Variants in GPRC5B observed in about 807,000 individuals in gnomAD.
The protein encoded by GPRC5B is G protein-coupled receptor class C group 5 member B, also known as G protein-coupled receptor family C group 5 member B.
GPRC5B carries 16 observed loss-of-function variants against 30.1 expected under a neutral mutation model. The ratio of observed to expected loss-of-function variants is 0.53; its 90% CI spans 0.36 to 0.81. The LOEUF is 0.81. Ranked by LOEUF, GPRC5B falls within the 30% of genes least tolerant of loss-of-function variation. GPRC5B has a pLI of 0.01. For missense variants in GPRC5B, 428 were observed against 544.7 expected (o/e 0.79, Z 2.13); for synonymous variants, 241 against 239.5 (o/e 1.01, Z -0.06).
chr16:19,868,053 T>A (rs2056680946), intron 2 of GPRC5B, among the ~76,000 whole-genome samples: 1 of 148,134 alleles, frequency 6.8e-6, no homozygotes. Flanking sequence ...GGTGACAGAG[T>A]GAGACTCCAT....
chr16:19,884,090 C>CCT (rs2056831138), intron 1 of GPRC5B, among the ~76,000 whole-genome samples: 1 of 140,778 alleles, frequency 7.1e-6, no homozygotes, highest in Non-Finnish European at 1.6e-5. Context: ...ACTGCCCCCC[C>CCT]CGCCATTGTA....
At position 19,872,690 on chromosome 16, in the gene GPRC5B, G is replaced by A. The variant is rs769866613; in HGVS notation, c.156C>T (p.Asp52=). 32 of 1,613,994 alleles carry A rather than the reference G, an allele frequency of 2.0e-5. No individual in the cohort carries two copies. Among genetic ancestry groups the A allele is most frequent in the Non-Finnish European group, 2.5e-5 (30 of 1,180,046 alleles). ...LPQYVSLCDL[D]AIWGIVVEAV... ...CCTCCACCACAATGCCCCAGATGGC[G>A]TCCAGGTCGCACAGGGACACGTACT... is the stretch of plus-strand genomic sequence containing the variant. Residue 52 remains aspartate, a synonymous_variant, in exon 2 of 4, where the codon GAC becomes GAT. Transcript: ENST00000300571. This position sits in a 1 kb window ranked among gnomAD's most constrained non-coding sequence, Gnocchi z 5.0.
chr16:19,873,166 T>C (rs2056736618), intron 1 of GPRC5B, among the ~76,000 whole-genome samples: 1 of 151,964 alleles, frequency 6.6e-6, no homozygotes, highest in Non-Finnish European at 1.5e-5. Flanking sequence ...ATCTGACCTC[T>C]TGAAAAATAA....
rs1258039586 is a variant in GPRC5B, at chr16:19,860,338, A to T, written c.*162T>A. ...GTCGGTGTTAGCTTTTCAGTTCGTC[A>T]GTGTTCACATTTACACGAAATCCCC... On this transcript the variant is annotated 3_prime_UTR_variant, in exon 4 of 4. Transcript: ENST00000300571. The T allele has an allele frequency of 1.7e-6, 1 of 602,086 alleles. No individual in the cohort carries two copies. 37.3% of individuals were successfully genotyped at this position (602,086 alleles called of 1,614,324 possible).
chr16:19,884,346 C>G (rs918677045), intron 1 of GPRC5B, among the ~76,000 whole-genome samples: 2 of 151,364 alleles, frequency 1.3e-5, no homozygotes, highest in Admixed American at 6.6e-5. Context: ...AGGACCAGCC[C>G]GCAGCTCCTC....
intron 1 of GPRC5B, among the ~76,000 whole-genome samples, chr16:19,878,624 CT>C (rs764620731): frequency 1.3e-5 from 2 of 152,142 alleles, no homozygotes; most frequent in Non-Finnish European, 1.5e-5. Flanking sequence ...CTCTTTTGGT[CT>C]GTTCCTCACC....
chr16:19,881,771 A>C (rs1317323431), intron 1 of GPRC5B, among the ~76,000 whole-genome samples: 1 of 152,200 alleles, frequency 6.6e-6, no homozygotes, highest in Non-Finnish European at 1.5e-5. Context: ...GACAGAGTTA[A>C]ACTGTCTCAA....
chr16:19,885,495 C>T (rs1425929369), upstream of GPRC5B: 1 of 1,134,644 alleles, frequency 8.8e-7, no homozygotes, highest in Non-Finnish European at 1.1e-6. This position sits in a 1 kb window ranked among gnomAD's most constrained non-coding sequence, Gnocchi z 5.3. Flanking sequence ...ACACTGGGAC[C>T]AACACCCGCT....
In GPRC5B at chr16:19,857,552, T is replaced by C; in HGVS notation, c.*2948A>G. On this transcript the variant is annotated 3_prime_UTR_variant, in exon 4 of 4. Transcript: ENST00000300571. ...TTATCTATCAAAAGTGAGCCTTAGC[T>C]CTTCATCAGTTAATAAAAAGCACCT... The C allele has an allele frequency of 1.9e-5, 7 of 373,624 alleles. No individual in the cohort carries two copies. The highest frequency in any genetic ancestry group is 1.4e-4 in the South Asian group (7 of 49,022). The allele number at this position is 373,624 out of a possible 1,614,324, so 23.1% of individuals were successfully genotyped here. A position where few individuals can be genotyped will look rare whatever the true frequency, so the allele number is the denominator to read the frequency against.
At chr16:19,884,886 C>T (rs1294254708), upstream of GPRC5B, 5 of 976,714 alleles carry the variant, frequency 5.1e-6, no homozygotes, top group South Asian at 1.9e-4. Context: ...CGCCCCCTGG[C>T]CCGGCCCGCG....
At chr16:19,884,087 C>G (rs913429491) in intron 1 of GPRC5B, among the ~76,000 whole-genome samples, 8 of 147,928 alleles carry the variant, frequency 5.4e-5, no homozygotes, top group African/African-American at 1.3e-4. Context: ...GCCACTGCCC[C>G]CCCCGCCATT....
At chr16:19,869,618 T>A (rs2056697041) in intron 2 of GPRC5B, among the ~76,000 whole-genome samples, 1 of 152,022 alleles carries the variant, frequency 6.6e-6, no homozygotes, top group African/African-American at 2.4e-5. Context: ...CTATGCCACA[T>A]CCCCTAGATA....
chr16:19,872,946 A>C lies in GPRC5B; in HGVS notation c.-1-100T>G. ...TCTTGAAGAAGACTCGCCTCATTTC[A>C]AACCTGCAAGCGCACACGGCACCTT... On this transcript the variant is annotated intron_variant, in intron 1 of 3. Coordinates refer to ENST00000300571, the MANE Select transcript of GPRC5B (RefSeq NM_016235.3). This position sits in a 1 kb window ranked among gnomAD's most constrained non-coding sequence, Gnocchi z 5.0. 1 of 854,584 alleles carries C rather than the reference A, an allele frequency of 1.2e-6. No individual in the cohort carries two copies. The highest frequency in any genetic ancestry group is 1.9e-6 in the Non-Finnish European group (1 of 539,080). The allele number at this position is 854,584 out of a possible 1,614,324, so 52.9% of individuals were successfully genotyped here. A position where few individuals can be genotyped will look rare whatever the true frequency, so the allele number is the denominator to read the frequency against.
chr16:19,884,333 C>T (rs913471687), intron 1 of GPRC5B, among the ~76,000 whole-genome samples: 1 of 151,480 alleles, frequency 6.6e-6, no homozygotes, highest in African/African-American at 2.4e-5. Flanking sequence ...CCAACGCGGC[C>T]CCAGGACCAG....
At position 19,860,541 on chromosome 16, in the gene GPRC5B, G is replaced by A. The variant is rs767265211; in HGVS notation, c.1171C>T (p.Pro391Ser). 6.3e-7 allele frequency: 1 copy of A among 1,594,480 alleles called. No individual in the cohort carries two copies. Residue 391 changes from proline to serine, a missense_variant, in exon 4 of 4, where the codon CCA becomes TCA. This residue lies in a region of GPRC5B where 19 missense variants were observed against 43.1 expected (regional missense o/e 0.44). Coordinates refer to ENST00000300571, the MANE Select transcript of GPRC5B (RefSeq NM_016235.3). ...MAVVLNGGTI[P>S]TAPPSHTGRH... ...CCTGTGTGACTTGGCGGAGCAGTTG[G>A]GATCTGGAATAACACATAAGGATAA... is the stretch of plus-strand genomic sequence containing the variant.
upstream of GPRC5B, chr16:19,885,389 A>G (rs958384663): frequency 8.5e-6 from 10 of 1,170,740 alleles, no homozygotes; most frequent in Non-Finnish European, 1.1e-5. This position sits in a 1 kb window ranked among gnomAD's most constrained non-coding sequence, Gnocchi z 5.3. Flanking sequence ...ACCTAGGCGC[A>G]CACACACCGC....
chr16:19,871,822 T>C lies in GPRC5B; in HGVS notation c.1024A>G (p.Asn342Asp). ...CGGGTGGTGCCCACTTTACCTGCATTGTGTTCATCCATGGAGAAGGCCTTG... is the reference window on the plus strand; with the variant it reads ...CGGGTGGTGCCCACTTTACCTGCATCGTGTTCATCCATGGAGAAGGCCTTG... ...ENKAFSMDEH[N>D]AALRTAGFPN... is the part of the protein sequence containing the mutation. Residue 342 changes from asparagine to aspartate, a missense_variant, in exon 2 of 4, where the codon AAT becomes GAT. By Grantham distance (23) the Asn-to-Asp change is conservative. Coordinates refer to ENST00000300571, the MANE Select transcript of GPRC5B (RefSeq NM_016235.3). 6.2e-7 allele frequency: 1 copy of C among 1,612,156 alleles called. No homozygotes were observed. Among genetic ancestry groups the C allele is most frequent in the Non-Finnish European group, 8.5e-7 (1 of 1,178,556 alleles).
chr16:19,872,221 C>T lies in GPRC5B; in HGVS notation c.625G>A (p.Val209Ile), dbSNP rs751511269. Residue 209 changes from valine (V) to isoleucine (I), a missense_variant, in exon 2 of 4, where the codon GTA becomes ATA. Physicochemically the swap from Val to Ile is conservative, Grantham distance 29 (BLOSUM62 3). Transcript: ENST00000300571. The surrounding 1 kb of genome is among the most constrained non-coding windows in gnomAD (Gnocchi z 5.0). ...AGCCCCAGGGTGACCACAAGCAGTA[C>T]CATGTCGTAGATGAGGGCCATCACA... ...DFVMALIYDM[V>I]LLVVTLGLAL... 1.2e-6 allele frequency: 2 copies of T among 1,614,068 alleles called. No homozygotes were observed. Among genetic ancestry groups the T allele is most frequent in the Non-Finnish European group, 1.7e-6 (2 of 1,180,040 alleles).
At position 19,857,404 on chromosome 16, in the gene GPRC5B, T is replaced by G; in HGVS notation, c.*3096A>C. 1 of 433,674 alleles carries G rather than the reference T, an allele frequency of 2.3e-6. No individual in the cohort carries two copies. Among genetic ancestry groups the G allele is most frequent in the Non-Finnish European group, 4.5e-6 (1 of 221,856 alleles). The allele number at this position is 433,674 out of a possible 1,614,324, so 26.9% of individuals were successfully genotyped here. A position where few individuals can be genotyped will look rare whatever the true frequency, so the allele number is the denominator to read the frequency against. ...AAATTTGTAATATTTATATAGTCGT[T>G]TATGGTACATATTGATTGTCTTGAA... On this transcript the variant is annotated 3_prime_UTR_variant, in exon 4 of 4. Transcript: ENST00000300571.
Sources: allele counts gnomAD v4.1 joint callset (sites outside exome capture counted in the v4.1 genomes callset), GRCh38; gene constraint gnomAD v4.1.1; regional missense constraint gnomAD v4.1.1; non-coding constraint Gnocchi (gnomAD v3.1); transcripts MANE v1.5; gene names NCBI Gene and HGNC (gene_info 2026-07-23, HGNC 2026-07-21).